Variants in GPHN observed in about 807,000 individuals in gnomAD.
The protein encoded by GPHN is gephyrin.
A neutral mutation model predicts 95.5 loss-of-function variants in GPHN; 17 were observed. That is an observed-to-expected ratio of 0.18 (90% CI 0.12 to 0.27). The LOEUF (loss-of-function observed/expected upper bound fraction) is 0.27. Ranked by LOEUF, GPHN falls within the 10% of genes least tolerant of loss-of-function variation. The pLI is 1.00. For missense variants in GPHN, 660 were observed against 978.1 expected (o/e 0.67, Z 4.34); for synonymous variants, 320 against 322.5 (o/e 0.99, Z 0.08).
At chr14:67,349,154 C>A in the GPHN span, 4 of 1,537,994 alleles carry the variant, frequency 2.6e-6, no homozygotes, top group Non-Finnish European at 3.6e-6. Context: ...AGAAATAAAC[C>A]TACAGGGACC....
At chr14:66,843,038 T>C (rs2062159953) in intron 4 of GPHN, among the ~76,000 whole-genome samples, 2 of 152,066 alleles carry the variant, frequency 1.3e-5, no homozygotes, top group Non-Finnish European at 2.9e-5. Context: ...TGGTGTTTTA[T>C]TCCTCTGCTG....
At chr14:66,874,884 T>C (rs1016081894) in intron 4 of GPHN, among the ~76,000 whole-genome samples, 2 of 152,000 alleles carry the variant, frequency 1.3e-5, no homozygotes, top group African/African-American at 4.8e-5. Flanking sequence ...CAGGCCAGCA[T>C]TCAAATTCAG....
chr14:67,080,714 C>T (rs2076661194), intron 11 of GPHN, among the ~76,000 whole-genome samples: 2 of 152,088 alleles, frequency 1.3e-5, no homozygotes, highest in African/African-American at 4.8e-5. Flanking sequence ...ATCACCCAAG[C>T]TGTATACACT....
At chr14:67,647,984 G>T in the GPHN span, 2 of 1,461,458 alleles carry the variant, frequency 1.4e-6, no homozygotes, top group South Asian at 1.2e-5. Flanking sequence ...TAAGAAGGAT[G>T]AGTGTCCAAG....
the GPHN span, chr14:67,359,672 G>C: frequency 2.5e-6 from 4 of 1,614,050 alleles, no homozygotes; most frequent in African/African-American, 5.3e-5. Context: ...GCGAGGGAAA[G>C]ATTTCAATTC....
intron 1 of GPHN, among the ~76,000 whole-genome samples, chr14:66,536,553 A>G (rs567873405): frequency 5.9e-5 from 9 of 152,288 alleles, no homozygotes; most frequent in South Asian, 4.1e-4. Context: ...TTTGTTATCA[A>G]TGTTTGTTAG....
chr14:66,996,857 A>C (rs2071840147), intron 9 of GPHN, among the ~76,000 whole-genome samples: 1 of 152,060 alleles, frequency 6.6e-6, no homozygotes, highest in South Asian at 2.1e-4. Flanking sequence ...TTTTACATGA[A>C]ATTTGGCCTA....
intron 13 of GPHN, among the ~76,000 whole-genome samples, chr14:67,102,167 C>T (rs1344802742): frequency 1.3e-5 from 2 of 151,950 alleles, no homozygotes; most frequent in South Asian, 2.1e-4. Context: ...CCACCGCGCC[C>T]GGCCTGGCCA....
At chr14:66,523,744 A>G (rs1439434575) in intron 1 of GPHN, among the ~76,000 whole-genome samples, 2 of 152,132 alleles carry the variant, frequency 1.3e-5, no homozygotes, top group Non-Finnish European at 2.9e-5. Context: ...CTAAATATTC[A>G]TGAAATGTTT....
At chr14:67,157,972 A>G (rs986166108) in intron 18 of GPHN, among the ~76,000 whole-genome samples, 3 of 151,938 alleles carry the variant, frequency 2.0e-5, no homozygotes, top group Non-Finnish European at 4.4e-5. Flanking sequence ...GATGAGAACA[A>G]TGATTGGGGG....
chr14:67,524,760 T>C, the GPHN span, among the ~76,000 whole-genome samples: 83 of 152,294 alleles, frequency 5.4e-4, no homozygotes, highest in African/African-American at 1.9e-3. Flanking sequence ...AATGCTGTTG[T>C]GGTCACAGTG....
intron 2 of GPHN, among the ~76,000 whole-genome samples, chr14:66,773,852 G>T (rs1258948955): frequency 6.6e-6 from 1 of 152,194 alleles, no homozygotes; most frequent in East Asian, 1.9e-4. Flanking sequence ...GATTATTGGC[G>T]TGAGCCAGTG....
chr14:67,262,358 C>T, the GPHN span, among the ~76,000 whole-genome samples: 1 of 152,060 alleles, frequency 6.6e-6, no homozygotes. Context: ...ATTCTTATCC[C>T]TATCCCCGCC....
intron 1 of GPHN, among the ~76,000 whole-genome samples, chr14:66,643,075 A>T (rs890577253): frequency 6.6e-6 from 1 of 152,146 alleles, no homozygotes; most frequent in Non-Finnish European, 1.5e-5. Context: ...CTCATATTCC[A>T]TAACCCAATT....
chr14:66,590,848 CAAA>C (rs1015906685), intron 1 of GPHN, among the ~76,000 whole-genome samples: 24 of 152,034 alleles, frequency 1.6e-4, no homozygotes, highest in Admixed American at 4.6e-4. Context: ...AGAGACACAA[CAAA>C]AAAAGAAAAT....
intron 8 of GPHN, among the ~76,000 whole-genome samples, chr14:66,952,998 T>A (rs1180897998): frequency 6.6e-6 from 1 of 151,074 alleles, no homozygotes; most frequent in Non-Finnish European, 1.5e-5. Flanking sequence ...CGGGCCTTCT[T>A]TTTTTCTTAA....
At chr14:67,536,794 G>C in the GPHN span, among the ~76,000 whole-genome samples, 4 of 151,858 alleles carry the variant, frequency 2.6e-5, no homozygotes, top group Admixed American at 2.6e-4. Flanking sequence ...TGTAATCCCA[G>C]CACTTTGGGA....
At chr14:66,752,949 A>C (rs917495071) in intron 2 of GPHN, among the ~76,000 whole-genome samples, 1 of 149,480 alleles carries the variant, frequency 6.7e-6, no homozygotes, top group East Asian at 1.9e-4. Context: ...AAAAAAAAAA[A>C]AGAGAAGAGA....
At chr14:66,587,272 G>T (rs1285736982) in intron 1 of GPHN, among the ~76,000 whole-genome samples, 2 of 152,182 alleles carry the variant, frequency 1.3e-5, no homozygotes, top group Non-Finnish European at 2.9e-5. Flanking sequence ...TTCAGGACTT[G>T]ATGGTTTCAC....
Sources: allele counts gnomAD v4.1 joint callset (sites outside exome capture counted in the v4.1 genomes callset), GRCh38; gene constraint gnomAD v4.1.1; transcripts MANE v1.5; gene names NCBI Gene and HGNC (gene_info 2026-07-23, HGNC 2026-07-21).